PCDHA1: variants seen among roughly 807,000 people sequenced by gnomAD.
PCDHA1 encodes the protein protocadherin alpha 1, also known as protocadherin alpha-1.
A neutral mutation model predicts 61.3 loss-of-function variants in PCDHA1; 42 were observed. The observed-to-expected ratio is 0.69, with a 90% CI of 0.54 to 0.89. PCDHA1 has a LOEUF of 0.89. Among genes scored for constraint, PCDHA1 ranks in the 40% least tolerant of loss-of-function variants. The probability of loss-of-function intolerance (pLI) is 0.00; values close to 1 mark genes in which losing one functional copy is unlikely to be tolerated. For missense variants in PCDHA1, 1,256 were observed against 1,235.3 expected (o/e 1.02, Z -0.25); for synonymous variants, 610 against 553.8 (o/e 1.10, Z -1.43).
intron 1 of PCDHA1, chr5:140,868,176 CAT>C (rs1246417615): frequency 2.0e-5 from 3 of 152,006 alleles, no homozygotes; most frequent in African/African-American, 7.2e-5. Flanking sequence ...TTTGATATCT[CAT>C]ATTATGCTAC....
intron 1 of PCDHA1, chr5:140,801,850 G>A (rs1465290845): frequency 6.2e-7 from 1 of 1,614,022 alleles, no homozygotes; most frequent in Non-Finnish European, 8.5e-7. Flanking sequence ...ATTGATGGTG[G>A]GAAACCAGAG....
At chr5:140,975,093 T>C (rs578045924) in intron 1 of PCDHA1, among the ~76,000 whole-genome samples, 2 of 152,266 alleles carry the variant, frequency 1.3e-5, no homozygotes, top group South Asian at 2.1e-4. Context: ...ATCCAGTTGT[T>C]TGGGGACTGA....
intron 1 of PCDHA1, chr5:140,858,148 C>A: frequency 6.3e-7 from 1 of 1,597,640 alleles, no homozygotes; most frequent in Non-Finnish European, 8.6e-7. Context: ...ACCTGATCAT[C>A]GCCATCTGCG....
chr5:140,791,576 AG>A (rs1161453458), intron 1 of PCDHA1, among the ~76,000 whole-genome samples: 6 of 112,380 alleles, frequency 5.3e-5, no homozygotes, highest in African/African-American at 1.6e-4. Context: ...AAATTTTAAG[AG>A]GGGGGCATTT....
chr5:140,845,861 C>T (rs1050084373), intron 1 of PCDHA1, among the ~76,000 whole-genome samples: 4 of 149,638 alleles, frequency 2.7e-5, no homozygotes, highest in Middle Eastern at 3.5e-3. Context: ...TTAGTGATTG[C>T]AGAAAGGCAA....
intron 1 of PCDHA1, among the ~76,000 whole-genome samples, chr5:140,908,325 T>C (rs189387427): frequency 6.6e-6 from 1 of 152,172 alleles, no homozygotes; most frequent in African/African-American, 2.4e-5. Flanking sequence ...GTGGAGACCA[T>C]GGGAATTTGA....
intron 1 of PCDHA1, chr5:140,926,801 C>T: frequency 1.4e-6 from 2 of 1,451,506 alleles, no homozygotes; most frequent in Non-Finnish European, 9.0e-7. Flanking sequence ...GCGTGCTCTT[C>T]CCCGCGGCTC....
intron 3 of PCDHA1, among the ~76,000 whole-genome samples, chr5:140,990,798 A>G (rs1554251753): frequency 6.6e-6 from 1 of 152,208 alleles, no homozygotes; most frequent in Admixed American, 6.5e-5. Context: ...ACCATGGAAT[A>G]CAGAAGAAGC....
chr5:140,978,860 A>G, intron 1 of PCDHA1, 89 bp from the exon 2 acceptor site: 1 of 1,598,356 alleles, frequency 6.3e-7, no homozygotes, highest in African/African-American at 1.3e-5. Context: ...GCCTGGAAAT[A>G]TTTAAGGGAG....
chr5:140,879,923 G>C (rs2058180033), intron 1 of PCDHA1, among the ~76,000 whole-genome samples: 1 of 152,132 alleles, frequency 6.6e-6, no homozygotes, highest in South Asian at 2.1e-4. Context: ...GTTTTACAAA[G>C]GTACATGTGA....
At chr5:140,798,387 A>C (rs782778029) in intron 1 of PCDHA1, among the ~76,000 whole-genome samples, 98 of 152,324 alleles carry the variant, frequency 6.4e-4, no homozygotes, top group South Asian at 1.9e-3. Flanking sequence ...AGTATTGAGA[A>C]AAGAGACCCT....
chr5:140,834,823 C>T, intron 1 of PCDHA1: 1 of 1,612,142 alleles, frequency 6.2e-7, no homozygotes, highest in South Asian at 1.1e-5. Flanking sequence ...GAATCCAGGC[C>T]GCTTGACTCT....
At chr5:140,805,836 C>T (rs1340568137) in intron 1 of PCDHA1, among the ~76,000 whole-genome samples, 1 of 152,126 alleles carries the variant, frequency 6.6e-6, no homozygotes, top group East Asian at 1.9e-4. Flanking sequence ...ATTTTCCCAA[C>T]TAGATATGCG....
intron 1 of PCDHA1, among the ~76,000 whole-genome samples, chr5:140,923,395 G>A (rs782033907): frequency 6.6e-6 from 1 of 152,240 alleles, no homozygotes; most frequent in South Asian, 2.1e-4. Flanking sequence ...GGGCATGGTG[G>A]TGTGTGCCTA....
Position 140,796,584 on chromosome 5 carries a change from G to C in PCDHA1, c.2394+7900G>C, listed in dbSNP as rs1411052787. 3.1e-6 allele frequency: 5 copies of C among 1,613,360 alleles called. No homozygotes were observed. The Middle Eastern group carries it at 5.1e-4, about 166-fold the overall frequency. Reference sequence around the variant, plus strand: ...AGTTCCAGGTGAGCGCGCGGGATGCGGGCGTGCCGCCTCTGGGCAGCAACG... The same window carrying C: ...AGTTCCAGGTGAGCGCGCGGGATGCCGGCGTGCCGCCTCTGGGCAGCAACG... On this transcript the variant is annotated intron_variant, in intron 1 of 3. Coordinates refer to ENST00000504120, the MANE Select transcript of PCDHA1 (RefSeq NM_018900.4).
intron 1 of PCDHA1, among the ~76,000 whole-genome samples, chr5:140,872,410 T>A (rs2053645814): frequency 6.6e-6 from 1 of 152,110 alleles, no homozygotes; most frequent in South Asian, 2.1e-4. Flanking sequence ...GAGAATTGCT[T>A]GAGCCCAAGA....
intron 1 of PCDHA1, chr5:140,882,537 T>C (rs1582624652): frequency 6.2e-7 from 1 of 1,614,176 alleles, no homozygotes; most frequent in East Asian, 2.2e-5. Context: ...AATTCTCGGA[T>C]CGACCGCGAG....
chr5:140,787,184 C>T lies in PCDHA1; in HGVS notation c.894C>T (p.Ser298=). The T allele has an allele frequency of 6.2e-7, 1 of 1,613,798 alleles. No homozygotes were observed. ...AAGAAAAATTCAAAGTTGATTCCAG[C>T]TCAGGAGAAATTAGGTTAATTGATA... is the stretch of plus-strand genomic sequence containing the variant. ...DIQEKFKVDS[S]SGEIRLIDKL... Residue 298 remains serine (S), a synonymous_variant, in exon 1 of 4, where the codon AGC becomes AGT. Transcript: ENST00000504120.
At chr5:140,887,668 A>G (rs1047587717) in intron 1 of PCDHA1, among the ~76,000 whole-genome samples, 1 of 151,958 alleles carries the variant, frequency 6.6e-6, no homozygotes, top group Non-Finnish European at 1.5e-5. Context: ...CTGTGGATTT[A>G]TCATTTTCAT....
Sources: gnomAD v4.1 joint callset for allele counts (sites outside exome capture counted in the v4.1 genomes callset) on GRCh38, gnomAD v4.1.1 for gene constraint, MANE v1.5 for transcripts, NCBI Gene and HGNC (gene_info 2026-07-23, HGNC 2026-07-21) for gene names.